PPP2R3B: variants seen among roughly 807,000 people sequenced by gnomAD.
PPP2R3B encodes the protein protein phosphatase 2 regulatory subunit B''beta, also known as serine/threonine-protein phosphatase 2A regulatory subunit B'' subunit beta.
Under a neutral mutation model 72.9 loss-of-function variants are expected in PPP2R3B, and 68 were observed. The ratio of observed to expected loss-of-function variants is 0.93; its 90% confidence interval spans 0.77 to 1.14. The LOEUF (loss-of-function observed/expected upper bound fraction) is 1.14. PPP2R3B is among the 50% of genes most tolerant of loss of function. PPP2R3B has a pLI of 0.00. For synonymous variants in PPP2R3B, 466 were observed against 375.8 expected (o/e 1.24, Z -2.78); for missense variants, 1,018 against 842.0 (o/e 1.21, Z -2.59).
intron 1 of PPP2R3B, among the ~76,000 whole-genome samples, chrX:361,985 C>T (rs922624566): frequency 7.9e-5 from 12 of 152,162 alleles, no homozygotes; most frequent in African/African-American, 2.2e-4. Context: ...AGGGCAGCCA[C>T]GCACCCCAGA....
At chrX:346,524 G>GT in intron 5 of PPP2R3B, 177 bp downstream of exon 5, 1 of 669,480 alleles carries the variant, frequency 1.5e-6, no homozygotes, top group South Asian at 1.9e-5. Flanking sequence ...GAAAACCAGA[G>GT]TCCCCCCAAC....
At chrX:334,774 A>G in intron 12 of PPP2R3B, 1 of 420,016 alleles carries the variant, frequency 2.4e-6, no homozygotes, top group Non-Finnish European at 4.2e-6. Flanking sequence ...TGAGCTACAC[A>G]CAGAGGACCT....
chrX:347,673 G>T lies in PPP2R3B; in HGVS notation c.531C>A (p.Tyr177Ter). 1 of 1,549,000 alleles carries T rather than the reference G, an allele frequency of 6.5e-7. No homozygotes were observed. The highest frequency in any genetic ancestry group is 8.7e-7 in the Non-Finnish European group (1 of 1,149,214). Residue 177 changes from tyrosine (Y) to a stop codon, truncating the protein, a stop_gained, in exon 3 of 13, where the codon TAC becomes TAA. Transcript: ENST00000390665. LOFTEE classifies it high-confidence loss of function. ...CGCCATAGAAGAGCGGCCCCTTCCA[G>T]TAGAGGGGGCAGCCGCAGGCCTGGG... The part of the protein sequence containing the change: ...LVAKACGCPL[Y>*]WKGPLFYGAG...
At chrX:384,560 C>T (rs1185446749) in intron 1 of PPP2R3B, among the ~76,000 whole-genome samples, 1 of 152,056 alleles carries the variant, frequency 6.6e-6, no homozygotes, top group Non-Finnish European at 1.5e-5. Flanking sequence ...CTCCCAAATG[C>T]TGGAATCACA....
rs775745508 is a variant in PPP2R3B at position 350,919 on chromosome X, G to A, written c.511-3226C>T. Among the ~76,000 whole-genome samples the A allele has an allele frequency of 1.4e-4, 21 of 152,258 alleles. No homozygotes were observed. In the South Asian group the frequency reaches 2.9e-3, roughly 21 times the overall value. ...GGACGTCGGCTGCTTGGTTCACGGT[G>A]CCCCAGGCGAGAGGAGCCGGACGCC... On this transcript the variant is annotated intron_variant, in intron 2 of 12. Transcript: ENST00000390665.
intron 1 of PPP2R3B, among the ~76,000 whole-genome samples, chrX:362,593 C>T (rs1259988104): frequency 6.6e-6 from 1 of 151,868 alleles, no homozygotes; most frequent in Non-Finnish European, 1.5e-5. Context: ...CTGCGTCCTC[C>T]TCCTCCTCCA....
At chrX:345,989 G>T (rs1221331207) in intron 6 of PPP2R3B, among the ~76,000 whole-genome samples, 185 bp downstream of exon 6, 1 of 142,782 alleles carries the variant, frequency 7.0e-6, no homozygotes, top group Non-Finnish European at 1.5e-5. Context: ...CCAACCGCAG[G>T]CGGCGGGGTT....
At position 341,831 on chromosome X, in the gene PPP2R3B, C is replaced by T. The variant is rs185405944; in HGVS notation, c.1085+52G>A. The T allele has an allele frequency of 1.1e-4, 181 of 1,593,100 alleles. 1 individual carries two copies. The highest frequency in any genetic ancestry group is 5.1e-4 in the East Asian group (23 of 44,782). On this transcript the variant is annotated intron_variant, in intron 8 of 12. Transcript: ENST00000390665. Reference sequence around the variant, plus strand: ...GTCAGGCAACGATGAGGAGAGGGACCGGGGTCCTCGCAGGGGCAATGGCTG... The same window carrying T: ...GTCAGGCAACGATGAGGAGAGGGACTGGGGTCCTCGCAGGGGCAATGGCTG...
At chrX:362,824 G>C (rs771504737) in intron 1 of PPP2R3B, among the ~76,000 whole-genome samples, 1 of 151,912 alleles carries the variant, frequency 6.6e-6, no homozygotes, top group African/African-American at 2.4e-5. Flanking sequence ...AGGTCACAAG[G>C]GTCCCACAGA....
intron 1 of PPP2R3B, among the ~76,000 whole-genome samples, chrX:363,672 TG>T: frequency 6.9e-6 from 1 of 144,484 alleles, no homozygotes; most frequent in Non-Finnish European, 1.5e-5. Context: ...CATCCCACAA[TG>T]CATCTCCCCA....
chrX:350,794 C>T (rs1432818714), intron 2 of PPP2R3B, among the ~76,000 whole-genome samples: 1 of 152,196 alleles, frequency 6.6e-6, no homozygotes, highest in Non-Finnish European at 1.5e-5. Flanking sequence ...GCCCACGGGG[C>T]GGCTGAGCGT....
intron 1 of PPP2R3B, among the ~76,000 whole-genome samples, chrX:372,289 G>C (rs773258260): frequency 1.3e-5 from 2 of 152,222 alleles, no homozygotes; most frequent in Non-Finnish European, 2.9e-5. Flanking sequence ...GAGTGCAAAA[G>C]TTGATGTGAG....
intron 1 of PPP2R3B, among the ~76,000 whole-genome samples, chrX:367,277 A>T (rs2071740580): frequency 6.6e-6 from 1 of 152,126 alleles, no homozygotes; most frequent in African/African-American, 2.4e-5. Flanking sequence ...AAAAAACATA[A>T]ATCAGTGAAA....
rs372414725 is a variant in PPP2R3B at position 341,356 on chromosome X, C to T, written c.1126G>A (p.Asp376Asn). Residue 376 changes from aspartate (D) to asparagine (N), a missense_variant, in exon 9 of 13, where the codon GAC becomes AAC. Coordinates refer to ENST00000390665, the MANE Select transcript of PPP2R3B (RefSeq NM_013239.5). ...TCAGAGATCAAAAACCAGACAAAGT[C>T]GGCATAGCTGATCTTCCCTTCCTTC... Reference protein sequence around the residue: ...VQKEGKISYADFVWFLISEED... With the variant: ...VQKEGKISYANFVWFLISEED... The T allele has an allele frequency of 1.6e-5, 25 of 1,612,740 alleles. No individual in the cohort carries two copies. In the Middle Eastern group the frequency reaches 1.8e-3, roughly 117 times the overall value.
At chrX:346,881 G>T in intron 4 of PPP2R3B, 106 bp from the exon 5 acceptor site, 1 of 1,114,790 alleles carries the variant, frequency 9.0e-7, no homozygotes, top group Non-Finnish European at 1.3e-6. Context: ...GATGAGGTGT[G>T]CGGTGTAGAC....
At chrX:354,235 TCACCCAAACAC>T (rs1569395712) in intron 2 of PPP2R3B, among the ~76,000 whole-genome samples, 1 of 53,712 alleles carries the variant, frequency 1.9e-5, no homozygotes, top group Non-Finnish European at 4.1e-5. Context: ...GACCGGGGGC[TCACCCAAACAC>T]TGGGGGCTCA....
chrX:338,727 G>A lies in PPP2R3B; in HGVS notation c.1471-17C>T, dbSNP rs184774262. 6,859 of 1,611,760 alleles carry A rather than the reference G, an allele frequency of 4.3e-3. 24 individuals carry two copies. The highest frequency in any genetic ancestry group is 5.4e-3 in the Non-Finnish European group (6,354 of 1,179,476). ...GTCACCGTCCTGGAGGAAGCACACG[G>A]GTTACGTACACGGCGTGGCGCGGCC... On this transcript the variant is annotated splice_polypyrimidine_tract_variant and intron_variant, in intron 11 of 12. Coordinates refer to ENST00000390665, the MANE Select transcript of PPP2R3B (RefSeq NM_013239.5).
In PPP2R3B at chrX:338,781, G is replaced by C; in HGVS notation, c.1467C>G (p.Leu489=). The C allele has an allele frequency of 1.2e-6, 2 of 1,612,382 alleles. No homozygotes were observed. The highest frequency in any genetic ancestry group is 1.7e-6 in the Non-Finnish European group (2 of 1,179,662). ...DHEQKEQISL[L]RDGDSGGPEL... ...CCCGCGTGCCCGCCGCACTCACCCT[G>C]AGCAGGGAGATCTGCTCTTTCTGCT... Residue 489 remains leucine (L), a synonymous_variant, in exon 11 of 13, where the codon CTC becomes CTG. Transcript: ENST00000390665.
At chrX:382,927 T>C (rs2072156777) in intron 1 of PPP2R3B, among the ~76,000 whole-genome samples, 1 of 152,148 alleles carries the variant, frequency 6.6e-6, no homozygotes, top group Non-Finnish European at 1.5e-5. Flanking sequence ...CCATCATTAC[T>C]AGCACATGCT....
Sources: gnomAD v4.1 joint callset for allele counts (sites outside exome capture counted in the v4.1 genomes callset) on GRCh38, gnomAD v4.1.1 for gene constraint, MANE v1.5 for transcripts, NCBI Gene and HGNC (gene_info 2026-07-23, HGNC 2026-07-21) for gene names.